The following NSG1 variants were observed in gnomAD, a reference collection of about 807,000 sequenced individuals.
NSG1 encodes the protein neuronal vesicle trafficking-associated protein 1.
In NSG1, 9 loss-of-function variants were observed where a neutral mutation model predicts 19.3. That is an observed-to-expected ratio of 0.47 (90% CI 0.28 to 0.81). The LOEUF is 0.81. Ranked by LOEUF, NSG1 falls within the 40% of genes least tolerant of loss-of-function variation. The pLI, the probability that NSG1 is intolerant of heterozygous loss-of-function variation, is 0.11. For synonymous variants in NSG1, 104 were observed against 107.0 expected (o/e 0.97, Z 0.17); for missense variants, 236 against 242.4 (o/e 0.97, Z 0.18).
intron 4 of NSG1, among the ~76,000 whole-genome samples, chr4:4,412,658 G>A (rs1724278691): frequency 6.6e-6 from 1 of 152,210 alleles, no homozygotes; most frequent in African/African-American, 2.4e-5. Context: ...ACGCTAGGCA[G>A]CTTGTGTGGG....
chr4:4,403,401 A>G (rs1243824352), intron 3 of NSG1, among the ~76,000 whole-genome samples: 2 of 152,082 alleles, frequency 1.3e-5, no homozygotes, highest in South Asian at 4.2e-4. Flanking sequence ...CTGGAATCAC[A>G]TGGGGCTCAT....
intron 3 of NSG1, among the ~76,000 whole-genome samples, chr4:4,408,157 C>T (rs1276348019): frequency 6.6e-6 from 1 of 152,134 alleles, no homozygotes; most frequent in Non-Finnish European, 1.5e-5. Flanking sequence ...GGAGGGCACT[C>T]TGCTGGAGGG....
At chr4:4,396,211 G>A (rs568429276) in intron 3 of NSG1, among the ~76,000 whole-genome samples, 2 of 152,346 alleles carry the variant, frequency 1.3e-5, no homozygotes, top group Admixed American at 1.3e-4. Flanking sequence ...TGCCTGCAGA[G>A]TGGCGGGTCG....
chr4:4,402,398 T>G lies in NSG1; in HGVS notation c.247-7175T>G, dbSNP rs1465460853. The stretch of plus-strand genomic sequence containing the variant: ...TTTTTTTTTTTTTTTTTTTTTTTTT[T>G]TTTTTTTGAGACGGAGTCTTGCTCT... On this transcript the variant is annotated intron_variant, in intron 3 of 4. Coordinates refer to ENST00000621129, the MANE Select transcript of NSG1 (RefSeq NM_014392.5). 1.7e-4 allele frequency among the ~76,000 whole-genome samples: 20 copies of G among 116,116 alleles called. 1 individual carries two copies. The highest frequency in any genetic ancestry group is 6.1e-4 in the Admixed American group (7 of 11,530). 76.2% of individuals were successfully genotyped at this position (116,116 alleles called of 152,430 possible).
At chr4:4,387,565 T>TGGGGGGGGGGG in intron 1 of NSG1, 39 bp from the exon 2 acceptor site, 12 of 259,606 alleles carry the variant, frequency 4.6e-5, no homozygotes, top group Non-Finnish European at 8.8e-5. Flanking sequence ...CCGCCCCGGG[T>TGGGGGGGGGGG]CTTGCTTGTG....
chr4:4,386,709 G>A (rs565333910), upstream of NSG1: 1 of 152,328 alleles, frequency 6.6e-6, no homozygotes, highest in East Asian at 2.0e-4. Flanking sequence ...GGGTCGCTCT[G>A]TCCCTACGGT....
At chr4:4,394,422 C>T (rs1359174700) in intron 3 of NSG1, among the ~76,000 whole-genome samples, 2 of 152,136 alleles carry the variant, frequency 1.3e-5, no homozygotes, top group Non-Finnish European at 2.9e-5. Context: ...TTTCCACGCT[C>T]CCTTCCCCCA....
rs148203370 is a variant in NSG1, at chr4:4,389,930, C to A, written c.130-1545C>A. On this transcript the variant is annotated intron_variant, in intron 2 of 4. Transcript: ENST00000621129. ...GTTGATAATGCCATGAGGTCACTAC[C>A]ATGTTACCCCCATTTTGCAGATGTG... Among the ~76,000 whole-genome samples the A allele has an allele frequency of 3.2e-3, 494 of 152,242 alleles. 2 individuals carry two copies. Among genetic ancestry groups the A allele is most frequent in the African/African-American group, 0.011 (442 of 41,522 alleles).
rs1723027133 is a variant in NSG1, at chr4:4,392,158, C to T, written c.246+567C>T. On this transcript the variant is annotated intron_variant, in intron 3 of 4. Coordinates refer to ENST00000621129, the MANE Select transcript of NSG1 (RefSeq NM_014392.5). Reference sequence around the variant, plus strand: ...CTTTGGGCCTGTGTGTATCCTCCATCCTTCCCCCCATCCCAATGGGATGAA... The same window carrying T: ...CTTTGGGCCTGTGTGTATCCTCCATTCTTCCCCCCATCCCAATGGGATGAA... Among the ~76,000 whole-genome samples the T allele has an allele frequency of 2.6e-5, 4 of 151,262 alleles. No homozygotes were observed. In the Admixed American group the frequency reaches 2.7e-4, roughly 10 times the overall value.
chr4:4,409,805 A>AG (rs1221040648), intron 4 of NSG1, 122 bp downstream of exon 4: 6 of 761,826 alleles, frequency 7.9e-6, no homozygotes, highest in Non-Finnish European at 1.4e-5. Flanking sequence ...TTAGAGCAGC[A>AG]GGGGGCCAGT....
At position 4,417,451 on chromosome 4, in the gene NSG1, C is replaced by T. The variant is rs1041133132; in HGVS notation, c.*16C>T. On this transcript the variant is annotated 3_prime_UTR_variant, in exon 5 of 5. Transcript: ENST00000621129. ...GTCAGCTTAGCGGGATGGGCAAGTT[C>T]CTTACAATGTGTCACTTGCAAATAA... 1.9e-6 allele frequency: 3 copies of T among 1,610,380 alleles called. No homozygotes were observed. The highest frequency in any genetic ancestry group is 2.5e-6 in the Non-Finnish European group (3 of 1,176,842).
intron 4 of NSG1, among the ~76,000 whole-genome samples, chr4:4,415,169 A>C (rs1475289940): frequency 6.6e-6 from 1 of 152,028 alleles, no homozygotes; most frequent in Non-Finnish European, 1.5e-5. Flanking sequence ...TCAGCCTCCC[A>C]AAGTGCTGGG....
At chr4:4,398,450 C>G (rs1473199742) in intron 3 of NSG1, among the ~76,000 whole-genome samples, 1 of 152,108 alleles carries the variant, frequency 6.6e-6, no homozygotes, top group South Asian at 2.1e-4. Context: ...CCCATGCCCC[C>G]CCCCACAGCC....
At chr4:4,391,680 G>C in intron 3 of NSG1, 89 bp downstream of exon 3, 1 of 764,500 alleles carries the variant, frequency 1.3e-6, no homozygotes, top group East Asian at 2.6e-5. Context: ...GAGGGCCAGG[G>C]TTTGACGCCG....
intron 3 of NSG1, among the ~76,000 whole-genome samples, chr4:4,405,548 G>T (rs531696020): frequency 6.6e-6 from 1 of 152,256 alleles, no homozygotes; most frequent in Admixed American, 6.5e-5. Context: ...CACACAGGCA[G>T]CAGCTTACAG....
chr4:4,409,521 G>A (rs1431804039), intron 3 of NSG1, 52 bp from the exon 4 acceptor site: 13 of 1,339,972 alleles, frequency 9.7e-6, no homozygotes, highest in South Asian at 7.0e-5. Context: ...GTGTGTGTGT[G>A]TCTGTCCTGC....
chr4:4,404,220 G>A (rs879303684), intron 3 of NSG1, among the ~76,000 whole-genome samples: 13 of 152,336 alleles, frequency 8.5e-5, no homozygotes, highest in South Asian at 2.1e-4. Context: ...ATGACAAGGC[G>A]TTTGTTATGT....
chr4:4,406,671 T>TCC (rs541640251), intron 3 of NSG1, among the ~76,000 whole-genome samples: 5 of 151,362 alleles, frequency 3.3e-5, no homozygotes, highest in Admixed American at 3.3e-4. Context: ...TCCGTCATGC[T>TCC]CCCCCCCAAC....
At chr4:4,401,194 C>T (rs1393523732) in intron 3 of NSG1, among the ~76,000 whole-genome samples, 3 of 152,198 alleles carry the variant, frequency 2.0e-5, no homozygotes, top group Admixed American at 6.5e-5. Context: ...ATGTAAATTT[C>T]GGGATAATGT....
Sources: allele counts gnomAD v4.1 joint callset (sites outside exome capture counted in the v4.1 genomes callset), GRCh38; gene constraint gnomAD v4.1.1; transcripts MANE v1.5; gene names NCBI Gene and HGNC (gene_info 2026-07-23, HGNC 2026-07-21).